The following LMBR1 variants were observed in gnomAD, a reference collection of about 807,000 sequenced individuals.
LMBR1 encodes limb region 1 protein homolog.
In LMBR1, 52 loss-of-function variants were observed where a neutral mutation model predicts 73.9. That is an observed-to-expected ratio of 0.70 (90% CI 0.56 to 0.89). The LOEUF is 0.89. Among genes scored for constraint, LMBR1 ranks in the 40% least tolerant of loss-of-function variants. LMBR1 has a pLI of 0.00. For synonymous variants in LMBR1, 215 were observed against 209.4 expected, an observed-to-expected ratio of 1.03 and a Z score of -0.23; for missense variants, 539 against 579.8, an observed-to-expected ratio of 0.93 and a Z score of 0.72.
intron 9 of LMBR1, among the ~76,000 whole-genome samples, chr7:156,749,801 T>A (rs1381144723): frequency 6.6e-6 from 1 of 152,100 alleles, no homozygotes; most frequent in African/African-American, 2.4e-5. Flanking sequence ...GCGATTCTCC[T>A]GCCCCAGCTT....
chr7:156,696,818 CA>C (rs1808384356), intron 15 of LMBR1, among the ~76,000 whole-genome samples: 1 of 152,198 alleles, frequency 6.6e-6, no homozygotes, highest in South Asian at 2.1e-4. Flanking sequence ...CCTCTCATTT[CA>C]AAACCAATTA....
rs115613820 is a variant in LMBR1 at position 156,721,391 on chromosome 7, C to A, written c.1225+2721G>T. ...TATCAGCAATCACACAGAATCTATT[C>A]TTCTAAAATTCACTGCAACATTCAA... is the stretch of plus-strand genomic sequence containing the variant. On this transcript the variant is annotated intron_variant, in intron 15 of 16. Transcript: ENST00000353442. 5.0e-3 allele frequency among the ~76,000 whole-genome samples: 762 copies of A among 152,132 alleles called. 3 individuals are homozygous for A. The highest frequency in any genetic ancestry group is 0.018 in the African/African-American group (732 of 41,542).
At chr7:156,876,478 A>G (rs191035020) in intron 1 of LMBR1, among the ~76,000 whole-genome samples, 42 of 152,334 alleles carry the variant, frequency 2.8e-4, no homozygotes, top group African/African-American at 9.4e-4. Context: ...GACTTAACAG[A>G]TATTTACAGA....
At chr7:156,865,166 G>A (rs1050771145) in intron 1 of LMBR1, among the ~76,000 whole-genome samples, 9 of 151,980 alleles carry the variant, frequency 5.9e-5, no homozygotes, top group Non-Finnish European at 1.3e-4. Context: ...AATTAGCTGG[G>A]CGTGATGTTG....
chr7:156,803,692 A>G (rs1831444798), intron 4 of LMBR1, among the ~76,000 whole-genome samples: 1 of 152,104 alleles, frequency 6.6e-6, no homozygotes, highest in Non-Finnish European at 1.5e-5. Flanking sequence ...ACACATGCAC[A>G]CGTATGTTTA....
rs376333773 is a variant in LMBR1, at chr7:156,687,740, C to T, written c.1387+290G>A. On this transcript the variant is annotated intron_variant, in intron 16 of 16. Coordinates refer to ENST00000353442, the MANE Select transcript of LMBR1 (RefSeq NM_022458.4). ...GACCACCATCGTCATAATAAAGGGG[C>T]TAATATTTACTGAGTTCTTAGGATG... Among the ~76,000 whole-genome samples the T allele has an allele frequency of 6.1e-4, 93 of 152,268 alleles. 1 individual carries two copies. In the South Asian group the frequency reaches 0.019, roughly 30 times the overall value.
At chr7:156,677,099 T>C (rs1804204139), downstream of LMBR1, 2 of 156,160 alleles carry the variant, frequency 1.3e-5, no homozygotes, top group Admixed American at 6.2e-5. Flanking sequence ...AATATAAAAA[T>C]AAAATATTCA....
In LMBR1 at chr7:156,681,158, A is replaced by G; in HGVS notation, c.*2920T>C. ...GCTACCAACAAAACTAGCACATAAGAGCCTGTAAATGATGAAAACCTGTGT... is the reference window on the plus strand; with the variant it reads ...GCTACCAACAAAACTAGCACATAAGGGCCTGTAAATGATGAAAACCTGTGT... On this transcript the variant is annotated 3_prime_UTR_variant, in exon 17 of 17. Coordinates refer to ENST00000353442, the MANE Select transcript of LMBR1 (RefSeq NM_022458.4). The G allele has an allele frequency of 2.2e-6, 1 of 453,460 alleles. No individual in the cohort carries two copies. The highest frequency in any genetic ancestry group is 1.6e-5 in the South Asian group (1 of 64,028). The allele number at this position is 453,460 out of a possible 1,614,324, so 28.1% of individuals were successfully genotyped here. A position where few individuals can be genotyped will look rare whatever the true frequency, so the allele number is the denominator to read the frequency against.
At chr7:156,734,483 A>C (rs1049741962) in intron 9 of LMBR1, among the ~76,000 whole-genome samples, 2 of 152,116 alleles carry the variant, frequency 1.3e-5, no homozygotes, top group African/African-American at 4.8e-5. Context: ...TGGACTATGG[A>C]GAGTCAGAAG....
At chr7:156,776,449 T>A (rs576459909) in intron 5 of LMBR1, among the ~76,000 whole-genome samples, 183 of 152,152 alleles carry the variant, frequency 1.2e-3, no homozygotes, top group Non-Finnish European at 2.3e-3. Flanking sequence ...CCAGTGAGAT[T>A]CATTCCCATT....
intron 4 of LMBR1, among the ~76,000 whole-genome samples, chr7:156,803,234 A>T (rs1324312252): frequency 3.3e-5 from 5 of 152,064 alleles, no homozygotes; most frequent in African/African-American, 1.2e-4. Context: ...ATGGGAGAAA[A>T]TTTTTGCAAC....
At chr7:156,820,191 T>C (rs952582341) in intron 4 of LMBR1, among the ~76,000 whole-genome samples, 1 of 152,146 alleles carries the variant, frequency 6.6e-6, no homozygotes, top group Non-Finnish European at 1.5e-5. Flanking sequence ...AGATGTGGCT[T>C]CATTGCCTGA....
At chr7:156,726,058 TTATCTCAAA>T (rs1815684266) in intron 12 of LMBR1, 1 of 402,080 alleles carries the variant, frequency 2.5e-6, no homozygotes, top group Non-Finnish European at 4.5e-6. Context: ...GAAAAATTAC[TTATCTCAAA>T]TGTAATTTAA....
At chr7:156,759,024 G>A (rs1047790966) in intron 8 of LMBR1, among the ~76,000 whole-genome samples, 10 of 152,144 alleles carry the variant, frequency 6.6e-5, no homozygotes, top group Non-Finnish European at 1.5e-5. Flanking sequence ...CTTAAATATG[G>A]GTAAGACATA....
downstream of LMBR1, among the ~76,000 whole-genome samples, chr7:156,672,798 G>A (rs1308030426): frequency 2.6e-5 from 4 of 152,230 alleles, no homozygotes; most frequent in East Asian, 7.7e-4. Flanking sequence ...CACGCACAGC[G>A]ATACCCATGC....
intron 1 of LMBR1, among the ~76,000 whole-genome samples, chr7:156,880,525 A>G (rs1048829267): frequency 2.8e-4 from 42 of 152,202 alleles, no homozygotes; most frequent in South Asian, 6.2e-4. Flanking sequence ...TAAAAAAAAA[A>G]GAAATTAAAG....
At chr7:156,806,904 G>A (rs930437631) in intron 4 of LMBR1, among the ~76,000 whole-genome samples, 3 of 152,100 alleles carry the variant, frequency 2.0e-5, no homozygotes, top group Non-Finnish European at 2.9e-5. Context: ...GAGCCACTAC[G>A]CCCAGCCTGA....
intron 4 of LMBR1, among the ~76,000 whole-genome samples, chr7:156,803,858 CTG>C (rs1443576720): frequency 6.6e-6 from 1 of 151,678 alleles, no homozygotes; most frequent in African/African-American, 2.4e-5. Flanking sequence ...ATGGATGAAA[CTG>C]GAACCCATCA....
chr7:156,785,577 C>G (rs1318724403), intron 5 of LMBR1, among the ~76,000 whole-genome samples: 1 of 152,136 alleles, frequency 6.6e-6, no homozygotes, highest in Non-Finnish European at 1.5e-5. Flanking sequence ...AATCTTCCTT[C>G]AACAGAACCT....
Sources: allele counts gnomAD v4.1 joint callset (sites outside exome capture counted in the v4.1 genomes callset), GRCh38; gene constraint gnomAD v4.1.1; transcripts MANE v1.5; gene names NCBI Gene and HGNC (gene_info 2026-07-23, HGNC 2026-07-21).